FOSL2: variants seen among roughly 807,000 people sequenced by gnomAD.
FOSL2 encodes fos-related antigen 2.
Under a neutral mutation model 27.7 loss-of-function variants are expected in FOSL2, and 3 were observed. That is an observed-to-expected ratio of 0.11 (90% CI 0.05 to 0.28). The LOEUF (loss-of-function observed/expected upper bound fraction) is 0.28. Ranked by LOEUF, FOSL2 falls within the 10% of genes least tolerant of loss-of-function variation. The pLI, the probability that FOSL2 is intolerant of heterozygous loss-of-function variation, is 1.00. For missense variants in FOSL2, 333 were observed against 445.1 expected, an observed-to-expected ratio of 0.75 and a Z score of 2.27; for synonymous variants, 179 against 190.1, an observed-to-expected ratio of 0.94 and a Z score of 0.48.
At chr2:28,400,157 G>A (rs1011076261) in intron 1 of FOSL2, among the ~76,000 whole-genome samples, 27 of 152,162 alleles carry the variant, frequency 1.8e-4, no homozygotes, top group African/African-American at 6.3e-4. Flanking sequence ...AGGCAGCCGA[G>A]TGAGGTTTTG....
Position 28,413,609 on chromosome 2 carries a change from C to G in FOSL2, c.*1161C>G, listed in dbSNP as rs1283788030. ...CGGGAGGCCGTCACTGGAGTGGCGT[C>G]TGCAGCAGCTGCTGCCCCAGCACCC... On this transcript the variant is annotated 3_prime_UTR_variant, in exon 4 of 4. Transcript: ENST00000264716. 2.5e-6 allele frequency: 1 copy of G among 398,722 alleles called. No individual in the cohort carries two copies. Among genetic ancestry groups the G allele is most frequent in the African/African-American group, 2.1e-5 (1 of 48,652 alleles). The allele number at this position is 398,722 out of a possible 1,614,324, so 24.7% of individuals were successfully genotyped here.
At chr2:28,396,795 C>CACACACACACACACACACACACACAA (rs2148077460) in intron 1 of FOSL2, 1 of 140,012 alleles carries the variant, frequency 7.1e-6, no homozygotes, top group African/African-American at 2.7e-5. Flanking sequence ...CCAAGACACA[C>CACACACACACACACACACACACACAA]ACACACACAC....
At position 28,393,912 on chromosome 2, in the gene FOSL2, C is replaced by A; in HGVS notation, c.102+90C>A. On this transcript the variant is annotated intron_variant, in intron 1 of 3. Coordinates refer to ENST00000264716, the MANE Select transcript of FOSL2 (RefSeq NM_005253.4). The surrounding 1 kb of genome is among the most constrained non-coding windows in gnomAD (Gnocchi z 4.6). ...GCCTCTTTTGCTTTCTTTTCTTTTT[C>A]TTGGCGAGAAAATACCTACGGGCCA... The A allele has an allele frequency of 1.1e-6, 1 of 946,616 alleles. No individual in the cohort carries two copies. Among genetic ancestry groups the A allele is most frequent in the Middle Eastern group, 2.2e-4 (1 of 4,638 alleles). The allele number at this position is 946,616 out of a possible 1,614,324, so 58.6% of individuals were successfully genotyped here.
rs1269183419 is a variant in FOSL2, at chr2:28,393,475, C to G, written c.-246C>G. On this transcript the variant is annotated 5_prime_UTR_variant, in exon 1 of 4. Transcript: ENST00000264716. The surrounding 1 kb of genome is among the most constrained non-coding windows in gnomAD (Gnocchi z 4.6). ...TTTTTAGAGGGAGGGATCGGGTGGACAACTGGTCCCGCGGCGCTCGCAGAG... is the reference window on the plus strand; with the variant it reads ...TTTTTAGAGGGAGGGATCGGGTGGAGAACTGGTCCCGCGGCGCTCGCAGAG... 24 of 477,100 alleles carry G rather than the reference C, an allele frequency of 5.0e-5. No individual in the cohort carries two copies. Among genetic ancestry groups the G allele is most frequent in the Non-Finnish European group, 8.6e-5 (23 of 268,872 alleles). 29.6% of individuals were successfully genotyped at this position (477,100 alleles called of 1,614,324 possible). A position where few individuals can be genotyped will look rare whatever the true frequency, so the allele number is the denominator to read the frequency against.
intron 2 of FOSL2, among the ~76,000 whole-genome samples, chr2:28,405,314 G>A (rs1326624983): frequency 6.6e-6 from 1 of 152,208 alleles, no homozygotes; most frequent in Non-Finnish European, 1.5e-5. Flanking sequence ...GGAAGTCTGG[G>A]CTAGATCCCA....
chr2:28,394,189 CAAG>C (rs1286909721), intron 1 of FOSL2, among the ~76,000 whole-genome samples: 18 of 126,022 alleles, frequency 1.4e-4, no homozygotes, highest in Admixed American at 1.1e-3. Context: ...GGTGGACAGA[CAAG>C]AAAATCTTTG....
chr2:28,393,746 T>C lies in FOSL2; in HGVS notation c.26T>C (p.Phe9Ser). MYQDYPGN[F>S]DTSSRGSSGS... ...ATGTACCAGGATTATCCCGGGAACT[T>C]TGACACCTCGTCCCGGGGCAGCAGC... Residue 9 changes from phenylalanine to serine, a missense_variant, in exon 1 of 4, where the codon TTT (phenylalanine) becomes TCT (serine). Phe to Ser is a radical substitution (Grantham distance 155). Around this residue, in one of 4 missense-constraint regions of FOSL2, gnomAD observed 131 missense variants for 157.9 expected, o/e 0.83. Transcript: ENST00000264716. The surrounding 1 kb of genome is among the most constrained non-coding windows in gnomAD (Gnocchi z 4.6). The C allele has an allele frequency of 6.2e-7, 1 of 1,610,416 alleles. No individual in the cohort carries two copies. Among genetic ancestry groups the C allele is most frequent in the Non-Finnish European group, 8.5e-7 (1 of 1,178,636 alleles).
At chr2:28,400,669 G>A (rs1663950941) in intron 1 of FOSL2, among the ~76,000 whole-genome samples, 1 of 152,230 alleles carries the variant, frequency 6.6e-6, no homozygotes, top group South Asian at 2.1e-4. Context: ...ATGCGTTTCA[G>A]AGGCAGTCAT....
intron 3 of FOSL2, among the ~76,000 whole-genome samples, chr2:28,410,121 T>TGGGGTGTTGA (rs1664161338): frequency 6.6e-6 from 1 of 152,208 alleles, no homozygotes; most frequent in South Asian, 2.1e-4. Flanking sequence ...GCCCTCACTC[T>TGGGGTGTTGA]GGGGTGTTGA....
Position 28,413,969 on chromosome 2 carries a change from C to T in FOSL2, c.*1521C>T. Reference sequence around the variant, plus strand: ...CCTGGCCTCCAGCAGGAGCACAGCTCAGCAGGGTCCCTGCTGCCCACCCCT... The same window carrying T: ...CCTGGCCTCCAGCAGGAGCACAGCTTAGCAGGGTCCCTGCTGCCCACCCCT... On this transcript the variant is annotated 3_prime_UTR_variant, in exon 4 of 4. Coordinates refer to ENST00000264716, the MANE Select transcript of FOSL2 (RefSeq NM_005253.4). 2.5e-6 allele frequency: 1 copy of T among 397,210 alleles called. No homozygotes were observed. The highest frequency in any genetic ancestry group is 4.4e-6 in the Non-Finnish European group (1 of 225,716). 24.6% of individuals were successfully genotyped at this position (397,210 alleles called of 1,614,324 possible).
At chr2:28,402,542 A>G (rs1019282060) in intron 1 of FOSL2, among the ~76,000 whole-genome samples, 1 of 152,244 alleles carries the variant, frequency 6.6e-6, no homozygotes, top group African/African-American at 2.4e-5. Context: ...GAATGCTTCT[A>G]TCCTAGTTGG....
Position 28,412,029 on chromosome 2 carries a change from G to A in FOSL2, c.562G>A (p.Gly188Ser), listed in dbSNP as rs765982810. The change falls in exon 4 of 4, where the codon GGC (glycine) becomes AGC (serine). Residue 188 changes from glycine (G) to serine (S), a missense_variant. Physicochemically the swap from Gly to Ser is moderately conservative, Grantham distance 56. Around this residue, in one of 4 missense-constraint regions of FOSL2, gnomAD observed 40 missense variants for 104.2 expected, o/e 0.38. Coordinates refer to ENST00000264716, the MANE Select transcript of FOSL2 (RefSeq NM_005253.4). This position sits in a 1 kb window ranked among gnomAD's most constrained non-coding sequence, Gnocchi z 7.1. ...EKLEFMLVAH[G>S]PVCKISPEER... ...GCTGGAGTTCATGTTGGTGGCTCACGGCCCAGTGTGCAAGATTAGCCCCGA... is the reference window on the plus strand; with the variant it reads ...GCTGGAGTTCATGTTGGTGGCTCACAGCCCAGTGTGCAAGATTAGCCCCGA... The A allele has an allele frequency of 1.2e-5, 20 of 1,612,172 alleles. No individual in the cohort carries two copies. The East Asian group carries it at 2.2e-4, about 18-fold the overall frequency.
At position 28,409,060 on chromosome 2, in the gene FOSL2, G is replaced by A. The variant is rs150555370; in HGVS notation, c.462+194G>A. Among the ~76,000 whole-genome samples the A allele has an allele frequency of 1.0e-3, 156 of 152,354 alleles. 1 individual carries two copies. The highest frequency in any genetic ancestry group is 3.5e-3 in the African/African-American group (145 of 41,578). The stretch of plus-strand genomic sequence containing the variant: ...GATTGAAAAGAGAGAGAGAGAGGGA[G>A]GTGGCGTTTAGCACCAGCCAGGGCC... On this transcript the variant is annotated intron_variant, in intron 3 of 3. Coordinates refer to ENST00000264716, the MANE Select transcript of FOSL2 (RefSeq NM_005253.4).
rs1663742532 is a variant in FOSL2, at chr2:28,393,915, G to A, written c.102+93G>A. On this transcript the variant is annotated intron_variant, in intron 1 of 3. Transcript: ENST00000264716. This position sits in a 1 kb window ranked among gnomAD's most constrained non-coding sequence, Gnocchi z 4.6. ...TCTTTTGCTTTCTTTTCTTTTTCTT[G>A]GCGAGAAAATACCTACGGGCCACCG... 1 of 921,110 alleles carries A rather than the reference G, an allele frequency of 1.1e-6. No individual in the cohort carries two copies. The highest frequency in any genetic ancestry group is 2.7e-5 in the Admixed American group (1 of 37,282). The allele number at this position is 921,110 out of a possible 1,614,324, so 57.1% of individuals were successfully genotyped here. A position where few individuals can be genotyped will look rare whatever the true frequency, so the allele number is the denominator to read the frequency against.
chr2:28,403,144 T>C (rs1664008576), intron 1 of FOSL2, among the ~76,000 whole-genome samples: 1 of 152,166 alleles, frequency 6.6e-6, no homozygotes, highest in Non-Finnish European at 1.5e-5. Context: ...AGGGGGCTCT[T>C]CTCTCCTTCC....
At chr2:28,399,794 A>G (rs1009079151) in intron 1 of FOSL2, among the ~76,000 whole-genome samples, 5 of 152,154 alleles carry the variant, frequency 3.3e-5, no homozygotes. Flanking sequence ...TTGGCAAACT[A>G]TGTCCTGAGT....
At chr2:28,411,053 C>T (rs1664182735) in intron 3 of FOSL2, among the ~76,000 whole-genome samples, 1 of 151,458 alleles carries the variant, frequency 6.6e-6, no homozygotes, top group South Asian at 2.1e-4. Flanking sequence ...GAGGCTGAGA[C>T]TGGAGAATAG....
chr2:28,400,139 A>G (rs1179633448), intron 1 of FOSL2, among the ~76,000 whole-genome samples: 1 of 152,210 alleles, frequency 6.6e-6, no homozygotes, highest in East Asian at 1.9e-4. Context: ...TGTTGGCTAC[A>G]GAGCCCCAGG....
rs746049285 is a variant in FOSL2 at position 28,393,446 on chromosome 2, C to G, written c.-275C>G. The G allele has an allele frequency of 9.7e-6, 4 of 413,114 alleles. No homozygotes were observed. Among genetic ancestry groups the G allele is most frequent in the African/African-American group, 6.4e-5 (3 of 46,788 alleles). 25.6% of individuals were successfully genotyped at this position (413,114 alleles called of 1,614,324 possible). Reference sequence around the variant, plus strand: ...GCAGGGGAGGGACCGAGAGACGCGCCGACTTTTTAGAGGGAGGGATCGGGT... The same window carrying G: ...GCAGGGGAGGGACCGAGAGACGCGCGGACTTTTTAGAGGGAGGGATCGGGT... On this transcript the variant is annotated 5_prime_UTR_variant, in exon 1 of 4. Transcript: ENST00000264716. This position sits in a 1 kb window ranked among gnomAD's most constrained non-coding sequence, Gnocchi z 4.6.
Sources: gnomAD v4.1 joint callset for allele counts (sites outside exome capture counted in the v4.1 genomes callset) on GRCh38, gnomAD v4.1.1 for gene constraint, gnomAD v4.1.1 regional missense constraint, Gnocchi (gnomAD v3.1) non-coding constraint, MANE v1.5 for transcripts, NCBI Gene and HGNC (gene_info 2026-07-23, HGNC 2026-07-21) for gene names.